KITLG: variants seen among roughly 807,000 people sequenced by gnomAD.
KITLG encodes c-Kit ligand.
Under a neutral mutation model 34.1 loss-of-function variants are expected in KITLG, and 13 were observed. That is an observed-to-expected ratio of 0.38 (90% CI 0.25 to 0.61). The LOEUF is 0.61. KITLG is among the 20% of genes least tolerant of loss of function. The pLI is 0.60. For missense variants in KITLG, 292 were observed against 318.9 expected, an observed-to-expected ratio of 0.92 and a Z score of 0.64; for synonymous variants, 110 against 104.0, an observed-to-expected ratio of 1.06 and a Z score of -0.35.
intron 1 of KITLG, among the ~76,000 whole-genome samples, chr12:88,555,568 G>T (rs547780571): frequency 1.3e-5 from 2 of 152,194 alleles, no homozygotes; most frequent in African/African-American, 4.8e-5. Context: ...TGTTACAGAA[G>T]GCATATAGGT....
intron 6 of KITLG, among the ~76,000 whole-genome samples, chr12:88,508,056 G>T (rs952307269): frequency 1.3e-5 from 2 of 151,896 alleles, no homozygotes; most frequent in African/African-American, 4.8e-5. Flanking sequence ...GTGTGGTGGC[G>T]CATGCCTGTA....
chr12:88,573,980 T>G (rs763762876), intron 1 of KITLG, among the ~76,000 whole-genome samples: 2 of 152,068 alleles, frequency 1.3e-5, no homozygotes, highest in Non-Finnish European at 2.9e-5. Flanking sequence ...ATCAGCAGCA[T>G]TCAAGAGCCC....
At chr12:88,548,193 T>A (rs1023840774) in intron 1 of KITLG, among the ~76,000 whole-genome samples, 6 of 152,060 alleles carry the variant, frequency 3.9e-5, no homozygotes, top group Admixed American at 2.0e-4. Context: ...TGGTGGCTCA[T>A]GCCTGTAATC....
At chr12:88,523,346 C>T (rs993938237) in intron 3 of KITLG, among the ~76,000 whole-genome samples, 25 of 152,126 alleles carry the variant, frequency 1.6e-4, no homozygotes, top group African/African-American at 5.8e-4. Context: ...TACACAGAAA[C>T]GCGAGAAACC....
At chr12:88,520,763 C>T (rs1272098111) in intron 3 of KITLG, among the ~76,000 whole-genome samples, 7 of 152,014 alleles carry the variant, frequency 4.6e-5, no homozygotes, top group Admixed American at 4.6e-4. Flanking sequence ...TACTTACTGC[C>T]ACTTCTGTTG....
intron 1 of KITLG, among the ~76,000 whole-genome samples, chr12:88,563,288 TTATC>T (rs1180872093): frequency 6.6e-6 from 1 of 152,236 alleles, no homozygotes; most frequent in African/African-American, 2.4e-5. Flanking sequence ...TGGTTGACTC[TTATC>T]TATCTGTCAT....
intron 9 of KITLG, 42 bp downstream of exon 9, chr12:88,505,117 A>G: frequency 9.5e-7 from 1 of 1,049,646 alleles, no homozygotes. Context: ...CTTAAAGTAT[A>G]ATAAAAAAAA....
intron 6 of KITLG, among the ~76,000 whole-genome samples, chr12:88,510,774 G>C (rs1370275086): frequency 1.3e-5 from 2 of 152,010 alleles, no homozygotes; most frequent in African/African-American, 4.8e-5. Context: ...CATATGCCCT[G>C]GTACTCTGAC....
intron 2 of KITLG, among the ~76,000 whole-genome samples, chr12:88,537,661 A>C (rs1051619550): frequency 2.6e-5 from 4 of 151,948 alleles, no homozygotes; most frequent in African/African-American, 7.3e-5. Context: ...AAAACCACAA[A>C]TATTCTAAAA....
Position 88,531,450 on chromosome 12 carries a change from A to G in KITLG, c.192+991T>C, listed in dbSNP as rs372380984. Among the ~76,000 whole-genome samples, 4 of 152,324 alleles carry G rather than the reference A, an allele frequency of 2.6e-5. No individual in the cohort carries two copies. In the East Asian group the frequency reaches 5.8e-4, roughly 22 times the overall value. On this transcript the variant is annotated intron_variant, in intron 3 of 9. Coordinates refer to ENST00000644744, the MANE Select transcript of KITLG (RefSeq NM_000899.5). ...ATATTGCACAATGGTAAGGTTTGATAAGCTCTGTGATAGGTATACAGATAT... is the reference window on the plus strand; with the variant it reads ...ATATTGCACAATGGTAAGGTTTGATGAGCTCTGTGATAGGTATACAGATAT...
At chr12:88,564,456 G>A (rs1352920934) in intron 1 of KITLG, 2 of 152,160 alleles carry the variant, frequency 1.3e-5, no homozygotes, top group Non-Finnish European at 2.9e-5. Context: ...AGGAAATGAA[G>A]AGAGGGACTC....
chr12:88,509,159 A>C (rs561233313), intron 6 of KITLG, among the ~76,000 whole-genome samples: 1 of 152,312 alleles, frequency 6.6e-6, no homozygotes, highest in East Asian at 1.9e-4. Context: ...TTTTGTCCTT[A>C]AAATCCAATG....
At chr12:88,543,102 C>G (rs980194142) in intron 2 of KITLG, among the ~76,000 whole-genome samples, 2 of 151,998 alleles carry the variant, frequency 1.3e-5, no homozygotes, top group African/African-American at 2.4e-5. Context: ...TAGTCCCAGG[C>G]ACCTGTAATT....
intron 9 of KITLG, among the ~76,000 whole-genome samples, chr12:88,497,447 T>C (rs1229767806): frequency 2.0e-5 from 3 of 152,194 alleles, no homozygotes; most frequent in East Asian, 1.9e-4. Flanking sequence ...GTAAGCTCCA[T>C]GAGGGCAGGG....
intron 1 of KITLG, among the ~76,000 whole-genome samples, chr12:88,552,578 T>C (rs768245119): frequency 2.0e-5 from 3 of 152,130 alleles, no homozygotes; most frequent in Admixed American, 6.6e-5. Context: ...AATGAATGAA[T>C]GAAAGGTGTA....
intron 2 of KITLG, among the ~76,000 whole-genome samples, chr12:88,536,485 G>T (rs1163597892): frequency 1.3e-5 from 2 of 152,098 alleles, no homozygotes; most frequent in Non-Finnish European, 2.9e-5. Context: ...CCATTACTGG[G>T]TATATACACA....
chr12:88,516,563 A>T, intron 4 of KITLG, 73 bp from the exon 5 acceptor site: 3 of 947,296 alleles, frequency 3.2e-6, no homozygotes, highest in Non-Finnish European at 4.8e-6. Flanking sequence ...ATGGACTATA[A>T]ATATGTCTCT....
intron 6 of KITLG, among the ~76,000 whole-genome samples, chr12:88,510,064 T>C (rs1253645622): frequency 6.6e-6 from 1 of 152,188 alleles, no homozygotes; most frequent in East Asian, 1.9e-4. Context: ...ATTAATTATA[T>C]CTCCTTATTA....
intron 6 of KITLG, among the ~76,000 whole-genome samples, chr12:88,511,172 T>C (rs1270420380): frequency 2.0e-5 from 3 of 152,230 alleles, no homozygotes; most frequent in South Asian, 2.1e-4. Flanking sequence ...ATTGAATAGG[T>C]ATTTTATATT....
Sources: gnomAD v4.1 joint callset for allele counts (sites outside exome capture counted in the v4.1 genomes callset) on GRCh38, gnomAD v4.1.1 for gene constraint, MANE v1.5 for transcripts, NCBI Gene and HGNC (gene_info 2026-07-23, HGNC 2026-07-21) for gene names.